Variants in DNAH14 observed in about 807,000 individuals in gnomAD.
The protein encoded by DNAH14 is axonemal beta dynein heavy chain 14.
In DNAH14, 478 loss-of-function variants were observed where a neutral mutation model predicts 520.9. That is an observed-to-expected ratio of 0.92 (90% CI 0.85 to 0.99). The LOEUF (loss-of-function observed/expected upper bound fraction) is 0.99. DNAH14 is among the 50% of genes least tolerant of loss of function. The probability of loss-of-function intolerance (pLI) is 0.00; values close to 1 mark genes in which losing one functional copy is unlikely to be tolerated. For missense variants in DNAH14, 4,831 were observed against 5,234.5 expected (o/e 0.92, Z 2.38); for synonymous variants, 1,581 against 1,757.2 (o/e 0.90, Z 2.51).
At chr1:225,215,810 C>G (rs999374741) in intron 41 of DNAH14, among the ~76,000 whole-genome samples, 2 of 152,092 alleles carry the variant, frequency 1.3e-5, no homozygotes, top group Non-Finnish European at 2.9e-5. Flanking sequence ...AGATGGGTAT[C>G]CTGAATACAG....
rs1156982679 is a variant in DNAH14, at chr1:224,953,610, G to A, written c.77+831G>A. On this transcript the variant is annotated intron_variant, in intron 2 of 85. Coordinates refer to ENST00000682510, the MANE Select transcript of DNAH14 (RefSeq NM_001367479.1). ...GTAGAAACAAGGATACACAAATAAAGAATAAAGAACCCAAGAACAGACAAT... is the reference window on the plus strand; with the variant it reads ...GTAGAAACAAGGATACACAAATAAAAAATAAAGAACCCAAGAACAGACAAT... Among the ~76,000 whole-genome samples, 2 of 152,026 alleles carry A rather than the reference G, an allele frequency of 1.3e-5. 1 individual carries two copies. The highest frequency in any genetic ancestry group is 2.9e-5 in the Non-Finnish European group (2 of 67,980).
chr1:225,324,887 T>C, intron 64 of DNAH14, 55 bp downstream of exon 64: 3 of 1,357,088 alleles, frequency 2.2e-6, no homozygotes, highest in Non-Finnish European at 3.1e-6. Flanking sequence ...ACAATGTAAT[T>C]ATCTCAGGAG....
rs551843333 is a variant in DNAH14, at chr1:225,067,800, T to A, written c.2425-11407T>A. Among the ~76,000 whole-genome samples, 184 of 152,250 alleles carry A rather than the reference T, an allele frequency of 1.2e-3. 2 individuals are homozygous for A. Among genetic ancestry groups the A allele is most frequent in the Middle Eastern group, 6.8e-3 (2 of 294 alleles). On this transcript the variant is annotated intron_variant, in intron 17 of 85. Transcript: ENST00000682510. ...CTTTACCCACTTTTTTATTGAGTTGTTTGATTTTTCTTGTAAATTTGTTTA... is the reference window on the plus strand; with the variant it reads ...CTTTACCCACTTTTTTATTGAGTTGATTGATTTTTCTTGTAAATTTGTTTA...
chr1:224,940,308 GTCAAAGGAGT>G (rs1214058848), intron 1 of DNAH14, among the ~76,000 whole-genome samples: 2 of 152,116 alleles, frequency 1.3e-5, no homozygotes, highest in Non-Finnish European at 2.9e-5. Flanking sequence ...TATTCTGTTG[GTCAAAGGAGT>G]TCACTAAGAC....
chr1:224,930,893 C>T (rs1185001806), intron 1 of DNAH14, among the ~76,000 whole-genome samples: 1 of 152,166 alleles, frequency 6.6e-6, no homozygotes, highest in Non-Finnish European at 1.5e-5. Flanking sequence ...CCACGGCGCC[C>T]GGCCTCTATA....
At chr1:225,320,494 T>G (rs2094538816) in intron 61 of DNAH14, among the ~76,000 whole-genome samples, 1 of 152,224 alleles carries the variant, frequency 6.6e-6, no homozygotes. Flanking sequence ...GTTATATTGC[T>G]AATGTGTATT....
intron 1 of DNAH14, among the ~76,000 whole-genome samples, chr1:224,943,750 GTA>G (rs2059593358): frequency 6.6e-6 from 1 of 152,018 alleles, no homozygotes; most frequent in Non-Finnish European, 1.5e-5. Context: ...ATTTCATTAT[GTA>G]CCCAGTAGTC....
intron 8 of DNAH14, among the ~76,000 whole-genome samples, chr1:224,991,642 A>G (rs2063057716): frequency 2.0e-5 from 3 of 151,750 alleles, no homozygotes; most frequent in African/African-American, 7.3e-5. Flanking sequence ...CACCTGCCTA[A>G]TTTTTGTATT....
At chr1:225,059,748 C>T (rs1457204349) in intron 17 of DNAH14, among the ~76,000 whole-genome samples, 7 of 152,042 alleles carry the variant, frequency 4.6e-5, no homozygotes, top group Non-Finnish European at 5.9e-5. Context: ...TCAGCATTTG[C>T]TTGTCTGTAA....
At chr1:225,097,969 T>C (rs2075134334) in intron 22 of DNAH14, among the ~76,000 whole-genome samples, 1 of 152,064 alleles carries the variant, frequency 6.6e-6, no homozygotes, top group Non-Finnish European at 1.5e-5. Flanking sequence ...GAGCCCAAGA[T>C]CACCTGAGCA....
rs373394098 is a variant in DNAH14 at position 225,267,380 on chromosome 1, G to A, written c.7539+611G>A. 1.2e-3 allele frequency among the ~76,000 whole-genome samples: 171 copies of A among 139,990 alleles called. 1 individual carries two copies. In the East Asian group the frequency reaches 0.015, roughly 12 times the overall value. The allele number at this position is 139,990 out of a possible 152,430, so 91.8% of individuals were successfully genotyped here. ...ACAATCACGGCTCACTGCAAACTCC[G>A]CCTCCCAGGTTCACACCATTCTCCT... On this transcript the variant is annotated intron_variant, in intron 49 of 85. Coordinates refer to ENST00000682510, the MANE Select transcript of DNAH14 (RefSeq NM_001367479.1).
chr1:225,370,238 C>T (rs1229813810), intron 77 of DNAH14, among the ~76,000 whole-genome samples: 1 of 152,038 alleles, frequency 6.6e-6, no homozygotes, highest in East Asian at 1.9e-4. Flanking sequence ...GCTGAGATCA[C>T]AGCACTTCAC....
At position 225,159,348 on chromosome 1, in the gene DNAH14, A is replaced by G; in HGVS notation, c.5308A>G (p.Thr1770Ala). 6.4e-7 allele frequency: 1 copy of G among 1,551,464 alleles called. No individual in the cohort carries two copies. Among genetic ancestry groups the G allele is most frequent in the Non-Finnish European group, 8.7e-7 (1 of 1,146,862 alleles). The change falls in exon 35 of 86, where the codon ACC (threonine) becomes GCC (alanine). Residue 1770 changes from threonine to alanine, a missense_variant. By Grantham distance (58) the Thr-to-Ala change is moderately conservative. Transcript: ENST00000682510. ...TSDSLSEADE[T>A]LIVIEAIREA... is the part of the protein sequence containing the mutation. The stretch of plus-strand genomic sequence containing the variant: ...TGACAGTCTTTCTGAAGCAGATGAA[A>G]CCTTGATTGTTATCGAGGCTATAAG...
intron 8 of DNAH14, among the ~76,000 whole-genome samples, chr1:224,985,971 G>A (rs1376739733): frequency 6.6e-6 from 1 of 151,944 alleles, no homozygotes; most frequent in Non-Finnish European, 1.5e-5. Context: ...AAAAAGAGCT[G>A]GGGTAGAAAG....
intron 31 of DNAH14, among the ~76,000 whole-genome samples, chr1:225,150,080 C>A (rs988998537): frequency 1.3e-5 from 2 of 152,068 alleles, no homozygotes; most frequent in South Asian, 4.1e-4. Flanking sequence ...TCCTTCAATA[C>A]CTAGTTTATT....
intron 60 of DNAH14, among the ~76,000 whole-genome samples, chr1:225,311,598 C>A (rs1018544261): frequency 1.3e-5 from 2 of 152,142 alleles, no homozygotes; most frequent in Non-Finnish European, 2.9e-5. Flanking sequence ...ACATTTAAAT[C>A]TTTAATCCAC....
At chr1:225,374,117 A>G (rs2095655209) in intron 77 of DNAH14, among the ~76,000 whole-genome samples, 1 of 119,248 alleles carries the variant, frequency 8.4e-6, no homozygotes, top group Non-Finnish European at 1.7e-5. Flanking sequence ...TCAAAAAAAA[A>G]GGTGTATGTC....
intron 36 of DNAH14, among the ~76,000 whole-genome samples, chr1:225,177,000 G>A (rs1559192524): frequency 6.6e-6 from 1 of 152,156 alleles, no homozygotes; most frequent in African/African-American, 2.4e-5. Context: ...AGTTTGGAGG[G>A]CTCAGAAGAA....
At chr1:225,225,863 C>T (rs1192126979) in intron 41 of DNAH14, among the ~76,000 whole-genome samples, 1 of 152,120 alleles carries the variant, frequency 6.6e-6, no homozygotes, top group East Asian at 1.9e-4. Flanking sequence ...CATGCTAGGA[C>T]CCAACCCAGT....
Sources: gnomAD v4.1 joint callset for allele counts (sites outside exome capture counted in the v4.1 genomes callset) on GRCh38, gnomAD v4.1.1 for gene constraint, MANE v1.5 for transcripts, NCBI Gene and HGNC (gene_info 2026-07-23, HGNC 2026-07-21) for gene names.